TRAPPC9: variants seen among roughly 807,000 people sequenced by gnomAD.
TRAPPC9 encodes the protein trafficking protein particle complex subunit 9.
In TRAPPC9, 83 loss-of-function variants were observed where a neutral mutation model predicts 124.0. That is an observed-to-expected ratio of 0.67 (90% CI 0.56 to 0.80). The LOEUF (loss-of-function observed/expected upper bound fraction) is 0.80, where lower values mean the gene tolerates loss of function less well. TRAPPC9 is among the 30% of genes least tolerant of loss of function. The pLI, the probability that TRAPPC9 is intolerant of heterozygous loss-of-function variation, is 0.00. For missense variants in TRAPPC9, 1,302 were observed against 1,508.3 expected (o/e 0.86, Z 2.27); for synonymous variants, 638 against 617.5 (o/e 1.03, Z -0.49).
chr8:139,925,821 GCACACGCACACA>G (rs1340541247), intron 19 of TRAPPC9, among the ~76,000 whole-genome samples: 8 of 146,028 alleles, frequency 5.5e-5, no homozygotes, highest in Admixed American at 4.1e-4. Flanking sequence ...ACACGCACAC[GCACACGCACACA>G]CACACACACA....
At chr8:140,346,242 T>C (rs2067346144) in intron 9 of TRAPPC9, among the ~76,000 whole-genome samples, 1 of 152,160 alleles carries the variant, frequency 6.6e-6, no homozygotes, top group Admixed American at 6.5e-5. Flanking sequence ...CCTCGGCTTC[T>C]CCCAGTTGCT....
rs190210941 is a variant in TRAPPC9 at position 139,758,280 on chromosome 8, G to A, written c.3056-26078C>T. ...GGGACATGTGCCTGTGGAGGAGACC[G>A]CCCTGTGTGGAATGGGACTCACACT... On this transcript the variant is annotated intron_variant, in intron 21 of 22. Transcript: ENST00000438773. Among the ~76,000 whole-genome samples, 12 of 152,296 alleles carry A rather than the reference G, an allele frequency of 7.9e-5. No individual in the cohort carries two copies. In the East Asian group the frequency reaches 1.2e-3, roughly 15 times the overall value.
intron 17 of TRAPPC9, among the ~76,000 whole-genome samples, chr8:140,148,180 A>C (rs1035955112): frequency 3.9e-5 from 6 of 152,212 alleles, no homozygotes; most frequent in Non-Finnish European, 5.9e-5. Context: ...CAGCCCTCAG[A>C]CAGCCAGAAG....
In TRAPPC9 at chr8:139,730,949, GGGA is replaced by G. The variant is rs1817778069; in HGVS notation, c.*109_*111del. 22 of 1,215,286 alleles carry G rather than the reference GGGA, an allele frequency of 1.8e-5. No individual in the cohort carries two copies. Among genetic ancestry groups the G allele is most frequent in the African/African-American group, 6.0e-5 (4 of 67,128 alleles). 75.3% of individuals were successfully genotyped at this position (1,215,286 alleles called of 1,614,324 possible). The stretch of plus-strand genomic sequence containing the variant: ...GAGGAGAGGGCTGGGAGGGGTCTGG[GGGA>G]GGAGGAGGAGATGGGGCTGCAGTGA... On this transcript the variant is annotated 3_prime_UTR_variant, in exon 23 of 23. Coordinates refer to ENST00000438773, the MANE Select transcript of TRAPPC9 (RefSeq NM_001160372.4).
chr8:140,081,813 C>T (rs765897545), intron 17 of TRAPPC9, among the ~76,000 whole-genome samples: 2 of 152,200 alleles, frequency 1.3e-5, no homozygotes, highest in African/African-American at 2.4e-5. Context: ...GACAAGGCTG[C>T]CTTCCACCCA....
intron 18 of TRAPPC9, among the ~76,000 whole-genome samples, chr8:139,996,929 T>C (rs773656172): frequency 8.5e-5 from 13 of 152,168 alleles, no homozygotes; most frequent in Admixed American, 6.5e-5. Flanking sequence ...GTATTTTTAG[T>C]AGACACGGGA....
At chr8:140,020,594 C>G (rs1839778325) in intron 18 of TRAPPC9, among the ~76,000 whole-genome samples, 1 of 152,066 alleles carries the variant, frequency 6.6e-6, no homozygotes, top group Non-Finnish European at 1.5e-5. Flanking sequence ...CCAGTGCATT[C>G]CCACCTGGAC....
intron 13 of TRAPPC9, among the ~76,000 whole-genome samples, chr8:140,287,294 A>AC (rs1368593375): frequency 2.6e-5 from 4 of 152,012 alleles, no homozygotes; most frequent in African/African-American, 9.7e-5. Context: ...GTGTGTAGAC[A>AC]CCCTCTGAGG....
intron 19 of TRAPPC9, among the ~76,000 whole-genome samples, chr8:139,952,943 G>A (rs1233698180): frequency 6.6e-6 from 1 of 152,162 alleles, no homozygotes; most frequent in Non-Finnish European, 1.5e-5. Flanking sequence ...AAGACCCCAC[G>A]GCTTGTCAGA....
At chr8:140,129,005 T>TATATATATAAA (rs1563783126) in intron 17 of TRAPPC9, among the ~76,000 whole-genome samples, 14 of 134,754 alleles carry the variant, frequency 1.0e-4, no homozygotes, top group Non-Finnish European at 1.7e-4. Context: ...ATATATATAT[T>TATATATATAAA]AAAAAAAAAA....
chr8:140,160,533 A>C (rs564979480), intron 17 of TRAPPC9, among the ~76,000 whole-genome samples: 1 of 152,136 alleles, frequency 6.6e-6, no homozygotes, highest in Admixed American at 6.5e-5. Flanking sequence ...TTCTCAGCAA[A>C]CTATCACAAG....
chr8:140,287,484 G>A, intron 13 of TRAPPC9, 124 bp downstream of exon 13: 5 of 1,323,688 alleles, frequency 3.8e-6, no homozygotes, highest in Non-Finnish European at 4.3e-6. Context: ...AAAGAGACAA[G>A]GTCTTCATTA....
intron 19 of TRAPPC9, among the ~76,000 whole-genome samples, chr8:139,923,974 G>A (rs749927880): frequency 1.3e-5 from 2 of 152,086 alleles, no homozygotes; most frequent in African/African-American, 2.4e-5. Context: ...ACAGGAAAAG[G>A]ACATACTCAA....
intron 17 of TRAPPC9, among the ~76,000 whole-genome samples, chr8:140,083,727 C>T (rs973215734): frequency 1.9e-4 from 29 of 152,144 alleles, no homozygotes; most frequent in African/African-American, 4.1e-4. Flanking sequence ...AGTGCAGTGG[C>T]GTGATCTCAG....
At chr8:140,053,811 C>A (rs1842140099) in intron 17 of TRAPPC9, among the ~76,000 whole-genome samples, 1 of 152,190 alleles carries the variant, frequency 6.6e-6, no homozygotes, top group African/African-American at 2.4e-5. Context: ...CAATGGCCTT[C>A]TTTGTCTTAT....
At chr8:139,944,566 C>T (rs1834098219) in intron 19 of TRAPPC9, among the ~76,000 whole-genome samples, 1 of 151,860 alleles carries the variant, frequency 6.6e-6, no homozygotes, top group Non-Finnish European at 1.5e-5. Flanking sequence ...CAACAGCAAC[C>T]ACTAAAAACA....
chr8:140,032,406 T>TC lies in TRAPPC9; in HGVS notation c.2557-8328dup, dbSNP rs150736953. Reference sequence around the variant, plus strand: ...AGAAAATACAAATGTAAACTTTTCCTCCCCCCCCACCCTCCTCCAGCCAGC... The same window carrying TC: ...AGAAAATACAAATGTAAACTTTTCCTCCCCCCCCCACCCTCCTCCAGCCAGC... On this transcript the variant is annotated intron_variant, in intron 17 of 22. Transcript: ENST00000438773. Among the ~76,000 whole-genome samples the TC allele has an allele frequency of 1.6e-3, 240 of 150,720 alleles. 2 individuals carry two copies. Among genetic ancestry groups the TC allele is most frequent in the East Asian group, 0.012 (60 of 5,088 alleles).
chr8:140,354,336 C>A (rs2067676142), intron 9 of TRAPPC9, among the ~76,000 whole-genome samples: 1 of 152,156 alleles, frequency 6.6e-6, no homozygotes, highest in African/African-American at 2.4e-5. Flanking sequence ...GAAGCCTCAA[C>A]AAAGATGGCC....
chr8:140,338,583 G>A (rs1377220195), intron 9 of TRAPPC9, among the ~76,000 whole-genome samples: 1 of 152,178 alleles, frequency 6.6e-6, no homozygotes, highest in Non-Finnish European at 1.5e-5. Context: ...AGATAATGGA[G>A]GTAAAATGAG....
Sources: gnomAD v4.1 joint callset for allele counts (sites outside exome capture counted in the v4.1 genomes callset) on GRCh38, gnomAD v4.1.1 for gene constraint, MANE v1.5 for transcripts, NCBI Gene and HGNC (gene_info 2026-07-23, HGNC 2026-07-21) for gene names.